CEP128: variants seen among roughly 807,000 people sequenced by gnomAD.
CEP128 encodes the protein centrosomal protein 128.
A neutral mutation model predicts 156.7 loss-of-function variants in CEP128; 132 were observed. The ratio of observed to expected loss-of-function variants is 0.84; its 90% CI spans 0.73 to 0.97. The LOEUF is 0.97. CEP128 is among the 50% of genes least tolerant of loss of function. CEP128 has a pLI of 0.00. For synonymous variants in CEP128, 469 were observed against 448.9 expected (o/e 1.04, Z -0.57); for missense variants, 1,252 against 1,281.9 (o/e 0.98, Z 0.36).
At chr14:80,925,435 A>C (rs1359390610) in intron 2 of CEP128, among the ~76,000 whole-genome samples, 3 of 152,220 alleles carry the variant, frequency 2.0e-5, no homozygotes, top group Admixed American at 6.5e-5. Flanking sequence ...AAAAACTGTT[A>C]GAATTTCCCA....
chr14:80,592,868 T>C (rs892996414), intron 19 of CEP128, among the ~76,000 whole-genome samples: 4 of 152,156 alleles, frequency 2.6e-5, no homozygotes, highest in African/African-American at 9.7e-5. Context: ...ATAAATGTAA[T>C]CATTATGTAA....
intron 24 of CEP128, among the ~76,000 whole-genome samples, chr14:80,501,497 C>G (rs967361455): frequency 2.0e-5 from 3 of 151,710 alleles, no homozygotes; most frequent in Non-Finnish European, 4.4e-5. Context: ...TTCTTTCTTT[C>G]TTTTCTTTTT....
chr14:80,718,750 T>A (rs1476969998), intron 19 of CEP128, among the ~76,000 whole-genome samples: 1 of 152,170 alleles, frequency 6.6e-6, no homozygotes, highest in African/African-American at 2.4e-5. Context: ...TCCAACAGTT[T>A]AAACCAAAAC....
rs117534130 is a variant in CEP128 at position 80,588,432 on chromosome 14, A to G, written c.2807-8009T>C. Among the ~76,000 whole-genome samples the G allele has an allele frequency of 3.5e-3, 527 of 152,222 alleles. 12 individuals carry two copies. The East Asian group carries it at 0.077, about 22-fold the overall frequency. On this transcript the variant is annotated intron_variant, in intron 19 of 24. Transcript: ENST00000555265. Reference sequence around the variant, plus strand: ...CTCATAAATATCAGTATTTCCTACCAAATTTGGCCTAGTATGTTGATATAT... The same window carrying G: ...CTCATAAATATCAGTATTTCCTACCGAATTTGGCCTAGTATGTTGATATAT...
chr14:80,773,983 C>A (rs1392751704), intron 16 of CEP128, among the ~76,000 whole-genome samples: 1 of 152,078 alleles, frequency 6.6e-6, no homozygotes, highest in African/African-American at 2.4e-5. Flanking sequence ...CTGTGGGTTG[C>A]ATAACACTCG....
At chr14:80,866,057 C>A (rs1241190644) in intron 8 of CEP128, among the ~76,000 whole-genome samples, 1 of 152,122 alleles carries the variant, frequency 6.6e-6, no homozygotes. Context: ...GACACCATGA[C>A]CATCCCTATG....
intron 15 of CEP128, among the ~76,000 whole-genome samples, chr14:80,778,681 T>C (rs1307088693): frequency 6.6e-6 from 1 of 152,230 alleles, no homozygotes; most frequent in Non-Finnish European, 1.5e-5. Flanking sequence ...GTACAATATC[T>C]ATTTATTGAT....
At position 80,504,935 on chromosome 14, in the gene CEP128, C is replaced by G. The variant is rs759907802; in HGVS notation, c.3158G>C (p.Ser1053Thr). ...ACAGTTCACGTATGAAAATCTTGGACTAGACAGGAAGCGACTGTGATCCTG... is the reference window on the plus strand; with the variant it reads ...ACAGTTCACGTATGAAAATCTTGGAGTAGACAGGAAGCGACTGTGATCCTG... ...SWQDHSRFLS[S>T]PRFSYVNSFT... The change falls in exon 24 of 25, where the codon AGT (serine) becomes ACT (threonine). Residue 1053 changes from serine to threonine, a missense_variant. Coordinates refer to ENST00000555265, the MANE Select transcript of CEP128 (RefSeq NM_152446.5). 2 of 1,591,260 alleles carry G rather than the reference C, an allele frequency of 1.3e-6. No individual in the cohort carries two copies. The highest frequency in any genetic ancestry group is 1.3e-5 in the African/African-American group (1 of 74,442).
chr14:80,637,277 G>A (rs977746525), intron 19 of CEP128, among the ~76,000 whole-genome samples: 10 of 152,034 alleles, frequency 6.6e-5, no homozygotes, highest in African/African-American at 2.4e-4. Flanking sequence ...GGATATTAAG[G>A]TTGTGAATCA....
rs537474590 is a variant in CEP128 at position 80,825,408 on chromosome 14, C to T, written c.1209+5735G>A. 1.8e-4 allele frequency among the ~76,000 whole-genome samples: 28 copies of T among 152,058 alleles called. No individual in the cohort carries two copies. In the South Asian group the frequency reaches 3.8e-3, roughly 20 times the overall value. ...ACAGGCGTGAGCCATCATGCCCAGCCCTATTTAATTTATATGTAAAAAACA... is the reference window on the plus strand; with the variant it reads ...ACAGGCGTGAGCCATCATGCCCAGCTCTATTTAATTTATATGTAAAAAACA... On this transcript the variant is annotated intron_variant, in intron 13 of 24. Transcript: ENST00000555265.
chr14:80,627,551 T>G (rs1370660056), intron 19 of CEP128, among the ~76,000 whole-genome samples: 2 of 152,180 alleles, frequency 1.3e-5, no homozygotes, highest in African/African-American at 4.8e-5. Flanking sequence ...AATAATACAT[T>G]AAATGAATAT....
At chr14:80,706,350 T>C (rs150335228) in intron 19 of CEP128, among the ~76,000 whole-genome samples, 18 of 152,260 alleles carry the variant, frequency 1.2e-4, no homozygotes, top group African/African-American at 3.6e-4. Context: ...ATATTTACAA[T>C]ATCACAATCA....
At chr14:80,521,906 C>T (rs1398338781) in intron 23 of CEP128, among the ~76,000 whole-genome samples, 2 of 152,148 alleles carry the variant, frequency 1.3e-5, no homozygotes, top group African/African-American at 4.8e-5. Context: ...TACTTGTTAA[C>T]TTTGCACTCT....
chr14:80,603,625 T>G (rs1369542318), intron 19 of CEP128, among the ~76,000 whole-genome samples: 1 of 152,164 alleles, frequency 6.6e-6, no homozygotes, highest in Non-Finnish European at 1.5e-5. Context: ...CTTCCTCCGC[T>G]CTAAAATAGA....
intron 14 of CEP128, among the ~76,000 whole-genome samples, chr14:80,786,305 G>A (rs1375483432): frequency 1.3e-5 from 2 of 152,104 alleles, no homozygotes; most frequent in Non-Finnish European, 1.5e-5. Context: ...AGCCAAGATT[G>A]TTTTCTATAC....
exon 15 of CEP128, chr14:80,478,246 A>G (rs1886983117): frequency 6.6e-6 from 1 of 152,144 alleles, no homozygotes; most frequent in Non-Finnish European, 1.5e-5. Flanking sequence ...CCCAGCATCT[A>G]ATCCCACCTG....
intron 21 of CEP128, among the ~76,000 whole-genome samples, chr14:80,549,335 T>C (rs1057159374): frequency 6.6e-6 from 1 of 152,204 alleles, no homozygotes; most frequent in Non-Finnish European, 1.5e-5. Flanking sequence ...GTGTCAAGTC[T>C]GAACAAATCC....
intron 4 of CEP128, among the ~76,000 whole-genome samples, chr14:80,912,826 A>G (rs1884326601): frequency 2.0e-5 from 3 of 152,170 alleles, no homozygotes; most frequent in Admixed American, 2.0e-4. Flanking sequence ...TGACAATTCA[A>G]TACAACACAG....
At chr14:80,920,024 T>C (rs1884769640) in intron 2 of CEP128, among the ~76,000 whole-genome samples, 1 of 152,212 alleles carries the variant, frequency 6.6e-6, no homozygotes, top group African/African-American at 2.4e-5. Context: ...TTTAATTACC[T>C]AAGTTTCATA....
Sources: allele counts gnomAD v4.1 joint callset (sites outside exome capture counted in the v4.1 genomes callset), GRCh38; gene constraint gnomAD v4.1.1; transcripts MANE v1.5; gene names NCBI Gene and HGNC (gene_info 2026-07-23, HGNC 2026-07-21).